The following CCDC149 variants were observed in gnomAD, a reference collection of about 807,000 sequenced individuals.
CCDC149 encodes coiled-coil domain containing 149, also known as coiled-coil domain-containing protein 149.
Under a neutral mutation model 59.9 loss-of-function variants are expected in CCDC149, and 45 were observed. That is an observed-to-expected ratio of 0.75 (90% CI 0.59 to 0.96). CCDC149 has a LOEUF of 0.96. CCDC149 is among the 40% of genes least tolerant of loss of function. The probability of loss-of-function intolerance (pLI) is 0.00; values close to 1 mark genes in which losing one functional copy is unlikely to be tolerated. For synonymous variants in CCDC149, 245 were observed against 260.6 expected (o/e 0.94, Z 0.58); for missense variants, 584 against 664.7 (o/e 0.88, Z 1.33).
intron 1 of CCDC149, among the ~76,000 whole-genome samples, chr4:24,908,831 C>T (rs1721700961): frequency 2.6e-5 from 4 of 152,208 alleles, no homozygotes; most frequent in Admixed American, 2.6e-4. Flanking sequence ...ATCTAATTAA[C>T]CAAAATTCAA....
At chr4:24,951,027 G>T (rs1723271552) in intron 1 of CCDC149, among the ~76,000 whole-genome samples, 1 of 152,222 alleles carries the variant, frequency 6.6e-6, no homozygotes. Context: ...AGGTTAAAAA[G>T]CAGGTGTTGT....
chr4:24,822,414 C>T, intron 10 of CCDC149, 83 bp downstream of exon 10: 1 of 836,544 alleles, frequency 1.2e-6, no homozygotes, highest in Non-Finnish European at 1.8e-6. Context: ...AGGTAGAAGA[C>T]TCTTGTAAAT....
chr4:24,878,193 T>C (rs1336974007), intron 1 of CCDC149, among the ~76,000 whole-genome samples: 3 of 142,790 alleles, frequency 2.1e-5, no homozygotes, highest in Non-Finnish European at 4.5e-5. Flanking sequence ...GAGAGTTTTG[T>C]GCATTTGCAC....
At chr4:24,899,232 G>C (rs942150570) in intron 1 of CCDC149, among the ~76,000 whole-genome samples, 10 of 152,212 alleles carry the variant, frequency 6.6e-5, no homozygotes, top group African/African-American at 1.7e-4. Flanking sequence ...GGATCTTAAT[G>C]AATAAGAATT....
intron 4 of CCDC149, among the ~76,000 whole-genome samples, chr4:24,849,093 G>A (rs1398803082): frequency 6.6e-6 from 1 of 151,544 alleles, no homozygotes; most frequent in Non-Finnish European, 1.5e-5. Context: ...TTTTCCTCCT[G>A]ATCCCCTTTC....
At chr4:24,968,020 G>A (rs1018300046) in intron 1 of CCDC149, among the ~76,000 whole-genome samples, 7 of 152,172 alleles carry the variant, frequency 4.6e-5, no homozygotes, top group Non-Finnish European at 1.0e-4. Context: ...TAAAACCACT[G>A]TATTGGTTAA....
intron 1 of CCDC149, among the ~76,000 whole-genome samples, chr4:24,966,332 C>T (rs1434895543): frequency 6.6e-6 from 1 of 152,126 alleles, no homozygotes; most frequent in Non-Finnish European, 1.5e-5. Context: ...CCTGAATACC[C>T]AGGGGCCAGA....
chr4:24,828,543 C>T (rs572549848), intron 9 of CCDC149: 41 of 151,928 alleles, frequency 2.7e-4, no homozygotes, highest in African/African-American at 7.5e-4. Context: ...TTTGGGAGGT[C>T]GAGGTGGGCG....
chr4:24,881,507 G>A (rs1414026069), intron 1 of CCDC149, among the ~76,000 whole-genome samples: 1 of 152,218 alleles, frequency 6.6e-6, no homozygotes, highest in Non-Finnish European at 1.5e-5. Context: ...CAACTGCCTG[G>A]AGAGCCATTC....
At position 24,837,346 on chromosome 4, in the gene CCDC149, T is replaced by G; in HGVS notation, c.544A>C (p.Lys182Gln). ...TCCTGGTAGGAAGACCGTTCTTCTT[T>G]AACATCCTGAAGCTCGTCCACAGAA... Residue 182 changes from lysine to glutamine, a missense_variant, in exon 6 of 13, where the codon AAA (lysine) becomes CAA (glutamine). By Grantham distance (53) the Lys-to-Gln change is moderately conservative (BLOSUM62 1). Transcript: ENST00000635206. The surrounding 1 kb of genome is among the most constrained non-coding windows in gnomAD (Gnocchi z 4.3). The G allele has an allele frequency of 1.9e-6, 3 of 1,614,146 alleles. No homozygotes were observed. Among genetic ancestry groups the G allele is most frequent in the Non-Finnish European group, 2.5e-6 (3 of 1,180,016 alleles).
chr4:24,822,645 G>T, intron 9 of CCDC149, 72 bp from the exon 10 acceptor site: 1 of 1,028,712 alleles, frequency 9.7e-7, no homozygotes, highest in Non-Finnish European at 1.4e-6. Context: ...GAATCCCACT[G>T]GTGCCCTAGT....
At chr4:24,810,402 C>A (rs956656919) in intron 12 of CCDC149, among the ~76,000 whole-genome samples, 2 of 152,158 alleles carry the variant, frequency 1.3e-5, no homozygotes, top group Non-Finnish European at 2.9e-5. Flanking sequence ...ACCCATATAA[C>A]CAGGATGAGA....
intron 11 of CCDC149, 143 bp downstream of exon 11, chr4:24,820,912 T>C (rs775885666): frequency 2.7e-5 from 12 of 443,636 alleles, no homozygotes; most frequent in Non-Finnish European, 3.7e-5. Flanking sequence ...TTGTACTAAT[T>C]GAATTCTCTA....
intron 12 of CCDC149, among the ~76,000 whole-genome samples, chr4:24,816,857 C>G (rs1715044548): frequency 6.6e-6 from 1 of 152,150 alleles, no homozygotes; most frequent in Non-Finnish European, 1.5e-5. Flanking sequence ...AACGTGTCCC[C>G]CGCTCCCCAC....
intron 1 of CCDC149, among the ~76,000 whole-genome samples, chr4:24,878,666 C>T (rs551583121): frequency 6.6e-6 from 1 of 152,348 alleles, no homozygotes; most frequent in East Asian, 1.9e-4. Flanking sequence ...TTTATCCCTT[C>T]AATTTATCAG....
chr4:24,847,341 C>T (rs751401141), intron 4 of CCDC149, among the ~76,000 whole-genome samples: 145 of 152,182 alleles, frequency 9.5e-4, no homozygotes, highest in Non-Finnish European at 1.8e-3. Flanking sequence ...CCTTTACAAA[C>T]GATATTGCAT....
At chr4:24,925,491 A>T (rs541313010) in intron 1 of CCDC149, among the ~76,000 whole-genome samples, 1 of 152,302 alleles carries the variant, frequency 6.6e-6, no homozygotes, top group East Asian at 1.9e-4. Context: ...TTTTAAAAAA[A>T]CTTTGCGGTG....
At chr4:24,842,537 A>C (rs914645338) in intron 4 of CCDC149, among the ~76,000 whole-genome samples, 2 of 152,146 alleles carry the variant, frequency 1.3e-5, no homozygotes, top group African/African-American at 4.8e-5. Context: ...CTTGCACAGC[A>C]CCCGCGCCGC....
chr4:24,853,241 T>C (rs2109185409), intron 3 of CCDC149, 62 bp from the exon 4 acceptor site: 1 of 1,245,004 alleles, frequency 8.0e-7, no homozygotes. Flanking sequence ...AATGCAGGGC[T>C]TCATTGGGCT....
Sources: gnomAD v4.1 joint callset for allele counts (sites outside exome capture counted in the v4.1 genomes callset) on GRCh38, gnomAD v4.1.1 for gene constraint, Gnocchi (gnomAD v3.1) non-coding constraint, MANE v1.5 for transcripts, NCBI Gene and HGNC (gene_info 2026-07-23, HGNC 2026-07-21) for gene names.